The following PHIP variants were observed in gnomAD, a reference collection of about 807,000 sequenced individuals.
The protein encoded by PHIP is PHIP subunit of CUL4-Ring ligase complex.
PHIP carries 54 observed loss-of-function variants against 236.8 expected under a neutral mutation model. The ratio of observed to expected loss-of-function variants is 0.23; its 90% CI spans 0.18 to 0.29. PHIP has a LOEUF of 0.29. Among genes scored for constraint, PHIP ranks in the 10% least tolerant of loss-of-function variants. The pLI is 1.00. For synonymous variants in PHIP, 756 were observed against 718.9 expected (o/e 1.05, Z -0.83); for missense variants, 1,370 against 2,190.8 (o/e 0.63, Z 7.48).
At chr6:78,952,827 ACTAT>A (rs140749646) in intron 35 of PHIP, among the ~76,000 whole-genome samples, 2,332 of 149,024 alleles carry the variant, frequency 0.016, 63 homozygotes, top group African/African-American at 0.054. Context: ...TTTAACCAAA[ACTAT>A]CTATCAAAGT....
chr6:78,982,988 T>C lies in PHIP; in HGVS notation c.2667A>G (p.Lys889=), dbSNP rs756471447. 1 of 1,609,606 alleles carries C rather than the reference T, an allele frequency of 6.2e-7. No individual in the cohort carries two copies. Among genetic ancestry groups the C allele is most frequent in the Non-Finnish European group, 8.5e-7 (1 of 1,177,240 alleles). ...CCTTTTTAATCTGTTTTTGCTTCTG[T>C]TTTTCAGATTCTTCTTCTTCATCTG... is the stretch of plus-strand genomic sequence containing the variant. The part of the protein sequence containing the change: ...SSSDEEEESE[K]QKQKQIKKEK... Residue 889 remains lysine (K), a synonymous_variant, in exon 23 of 40, where the codon AAA becomes AAG. Transcript: ENST00000275034.
At chr6:79,049,919 A>AT (rs1347700261) in intron 6 of PHIP, among the ~76,000 whole-genome samples, 2 of 152,174 alleles carry the variant, frequency 1.3e-5, no homozygotes, top group African/African-American at 4.8e-5. Context: ...ATTACTTGAA[A>AT]TGTTGCTCAT....
chr6:78,955,512 A>C, intron 33 of PHIP, 101 bp downstream of exon 33: 1 of 570,502 alleles, frequency 1.8e-6, no homozygotes, highest in South Asian at 2.6e-5. Flanking sequence ...TACACTAGAC[A>C]AAAAATAATG....
intron 4 of PHIP, among the ~76,000 whole-genome samples, chr6:79,064,877 T>C (rs2127775390): frequency 6.6e-6 from 1 of 152,226 alleles, no homozygotes; most frequent in South Asian, 2.1e-4. Flanking sequence ...TTAAAACAGC[T>C]CTCTAGAGCC....
chr6:78,964,007 A>T (rs183390122), intron 29 of PHIP, among the ~76,000 whole-genome samples: 1 of 152,316 alleles, frequency 6.6e-6, no homozygotes, highest in Admixed American at 6.5e-5. Context: ...CAAAACAGTG[A>T]ATCAGTATCA....
intron 7 of PHIP, among the ~76,000 whole-genome samples, chr6:79,039,698 G>C (rs1175558034): frequency 6.6e-6 from 1 of 151,986 alleles, no homozygotes; most frequent in Non-Finnish European, 1.5e-5. Context: ...TTTCTGAAAA[G>C]GGGGGAAAAC....
At chr6:78,950,818 ATTG>A (rs150200174) in intron 35 of PHIP, among the ~76,000 whole-genome samples, 17,253 of 151,578 alleles carry the variant, frequency 0.11, 1,208 homozygotes, top group African/African-American at 0.18. Context: ...GATTTTCTTT[ATTG>A]TTTTTCTTTT....
chr6:78,971,953 G>A (rs1767605122), intron 24 of PHIP, among the ~76,000 whole-genome samples: 1 of 152,148 alleles, frequency 6.6e-6, no homozygotes, highest in African/African-American at 2.4e-5. Flanking sequence ...GCTGGGGGAG[G>A]GGCGCCCACC....
In PHIP at chr6:78,934,490, A is replaced by G. The variant is rs1003284287; in HGVS notation, c.*6203T>C. Among the ~76,000 whole-genome samples the G allele has an allele frequency of 2.6e-5, 4 of 152,240 alleles. No homozygotes were observed. Among genetic ancestry groups the G allele is most frequent in the Non-Finnish European group, 4.4e-5 (3 of 68,038 alleles). ...AGCAATTCACAATTTATAGCAATAC[A>G]ATAGTGTGTTGTAAAAACATTAAAA... On this transcript the variant is annotated 3_prime_UTR_variant, in exon 40 of 40. Transcript: ENST00000275034.
chr6:79,016,380 C>T (rs1021182695), intron 13 of PHIP, among the ~76,000 whole-genome samples, 164 bp downstream of exon 13: 1 of 151,902 alleles, frequency 6.6e-6, no homozygotes, highest in African/African-American at 2.4e-5. Context: ...TGAATCATTT[C>T]ATAAAAATCA....
chr6:78,946,557 AAAG>A, intron 37 of PHIP, 151 bp downstream of exon 37: 1 of 1,385,830 alleles, frequency 7.2e-7, no homozygotes, highest in East Asian at 2.7e-5. Context: ...GCTTTAGTTA[AAAG>A]ATTAAAAATC....
At position 78,940,258 on chromosome 6, in the gene PHIP, G is replaced by A. The variant is rs375807899; in HGVS notation, c.*435C>T. ...CATCTATCTTTTAGGGGCATGACTT[G>A]TATCAATAGAAATGTACCTCACTTG... On this transcript the variant is annotated 3_prime_UTR_variant, in exon 40 of 40. Coordinates refer to ENST00000275034, the MANE Select transcript of PHIP (RefSeq NM_017934.7). 48 of 151,988 alleles carry A rather than the reference G, an allele frequency of 3.2e-4. 1 individual carries two copies. The highest frequency in any genetic ancestry group is 1.1e-3 in the African/African-American group (44 of 41,518). The allele number at this position is 151,988 out of a possible 1,614,324, so 9.4% of individuals were successfully genotyped here. A position where few individuals can be genotyped will look rare whatever the true frequency, so the allele number is the denominator to read the frequency against.
rs1773243331 is a variant in PHIP, at chr6:78,935,495, G to A, written c.*5198C>T. The A allele has an allele frequency of 1.0e-6, 1 of 978,684 alleles. No individual in the cohort carries two copies. Among genetic ancestry groups the A allele is most frequent in the Non-Finnish European group, 1.2e-6 (1 of 823,874 alleles). 60.6% of individuals were successfully genotyped at this position (978,684 alleles called of 1,614,324 possible). On this transcript the variant is annotated 3_prime_UTR_variant, in exon 40 of 40. Coordinates refer to ENST00000275034, the MANE Select transcript of PHIP (RefSeq NM_017934.7). The stretch of plus-strand genomic sequence containing the variant: ...ATTTTTGAGAAAATATTTATGCAAA[G>A]TGTTCCACTGAAATGTATCTCTTAC...
At chr6:79,074,413 A>T (rs1582329537) in intron 4 of PHIP, among the ~76,000 whole-genome samples, 1 of 152,078 alleles carries the variant, frequency 6.6e-6, no homozygotes, top group East Asian at 1.9e-4. Flanking sequence ...AACTAGATTC[A>T]CTATTCAAAC....
chr6:78,955,839 T>C (rs1036006666), intron 32 of PHIP, 157 bp from the exon 33 acceptor site: 4 of 433,800 alleles, frequency 9.2e-6, no homozygotes, highest in African/African-American at 4.1e-5. Context: ...CACACACATT[T>C]AACCCTGACC....
chr6:79,021,090 T>G (rs1350611443), intron 9 of PHIP, among the ~76,000 whole-genome samples: 1 of 152,222 alleles, frequency 6.6e-6, no homozygotes, highest in Admixed American at 6.5e-5. Context: ...TTTTAGACAC[T>G]TCTCTTTACA....
In PHIP at chr6:78,935,628, T is replaced by A. The variant is rs1235994314; in HGVS notation, c.*5065A>T. ...ACACATAAAAAGGCATATAAGTTTTTGACCTTCAGTTGTTTTGGAATTAAA... is the reference window on the plus strand; with the variant it reads ...ACACATAAAAAGGCATATAAGTTTTAGACCTTCAGTTGTTTTGGAATTAAA... On this transcript the variant is annotated 3_prime_UTR_variant, in exon 40 of 40. Transcript: ENST00000275034. The A allele has an allele frequency of 1.0e-6, 1 of 982,408 alleles. No homozygotes were observed. The highest frequency in any genetic ancestry group is 1.2e-6 in the Non-Finnish European group (1 of 827,158). The allele number at this position is 982,408 out of a possible 1,614,324, so 60.9% of individuals were successfully genotyped here.
Position 78,983,009 on chromosome 6 carries a change from A to G in PHIP, c.2646T>C (p.Asp882=), listed in dbSNP as rs1768639432. 1.9e-6 allele frequency: 3 copies of G among 1,609,820 alleles called. No individual in the cohort carries two copies. Among genetic ancestry groups the G allele is most frequent in the Non-Finnish European group, 2.5e-6 (3 of 1,177,952 alleles). Residue 882 remains aspartate (D), a synonymous_variant, in exon 23 of 40, where the codon GAT becomes GAC. Transcript: ENST00000275034. ...NKTKKAESSS[D]EEEESEKQKQ... ...TCTGTTTTTCAGATTCTTCTTCTTC[A>G]TCTGAACTGCTTTCTGCTTTCTTGG...
chr6:78,976,180 T>C (rs906403824), intron 24 of PHIP, among the ~76,000 whole-genome samples: 12 of 149,548 alleles, frequency 8.0e-5, no homozygotes, highest in Admixed American at 2.0e-4. Flanking sequence ...AACAGAGATA[T>C]AGATCAATGG....
Sources: allele counts gnomAD v4.1 joint callset (sites outside exome capture counted in the v4.1 genomes callset), GRCh38; gene constraint gnomAD v4.1.1; transcripts MANE v1.5; gene names NCBI Gene and HGNC (gene_info 2026-07-23, HGNC 2026-07-21).